The following PYROXD1 variants were observed in gnomAD, a reference collection of about 807,000 sequenced individuals.
The protein encoded by PYROXD1 is pyridine nucleotide-disulphide oxidoreductase domain 1.
PYROXD1 carries 42 observed loss-of-function variants against 62.0 expected under a neutral mutation model. The ratio of observed to expected loss-of-function variants is 0.68; its 90% confidence interval spans 0.53 to 0.88. PYROXD1 has a LOEUF of 0.88. Ranked by LOEUF, PYROXD1 falls within the 40% of genes least tolerant of loss-of-function variation. The probability of loss-of-function intolerance (pLI) is 0.00; values close to 1 mark genes in which losing one functional copy is unlikely to be tolerated. For synonymous variants in PYROXD1, 170 were observed against 206.4 expected, an observed-to-expected ratio of 0.82 and a Z score of 1.51; for missense variants, 493 against 604.8, an observed-to-expected ratio of 0.82 and a Z score of 1.94.
chr12:21,455,331 C>A, intron 6 of PYROXD1, 39 bp downstream of exon 6: 1 of 1,320,946 alleles, frequency 7.6e-7, no homozygotes, highest in Non-Finnish European at 9.9e-7. Context: ...TCATACAAAA[C>A]TTTTTTAAAA....
At chr12:21,462,399 C>CA (rs1942715394) in intron 9 of PYROXD1, among the ~76,000 whole-genome samples, 1 of 151,176 alleles carries the variant, frequency 6.6e-6, no homozygotes, top group South Asian at 2.1e-4. Flanking sequence ...CGTGACTTCT[C>CA]AAAAATGATT....
chr12:21,465,608 C>T (rs528024028), intron 10 of PYROXD1, among the ~76,000 whole-genome samples: 2,251 of 150,566 alleles, frequency 0.015, 25 homozygotes, highest in Middle Eastern at 0.045. Flanking sequence ...TTCTCCCATT[C>T]TGTAGGTTGC....
In PYROXD1 at chr12:21,452,131, C is replaced by T. The variant is rs748976919; in HGVS notation, c.465C>T (p.Asn155=). ...CTAAAAGAATAATGATCATAGGGAA[C>T]GGTGGTATTGCACTTGAGTTAGTGT... ...TKAKRIMIIG[N]GGIALELVYE... is the part of the protein sequence containing the mutation. Residue 155 remains asparagine (N), a synonymous_variant, in exon 5 of 12, where the codon AAC becomes AAT. Coordinates refer to ENST00000240651, the MANE Select transcript of PYROXD1 (RefSeq NM_024854.5). 2.9e-5 allele frequency: 46 copies of T among 1,581,696 alleles called. No individual in the cohort carries two copies. The highest frequency in any genetic ancestry group is 3.3e-5 in the Non-Finnish European group (38 of 1,163,238).
intron 7 of PYROXD1, 37 bp from the exon 8 acceptor site, chr12:21,460,988 G>A (rs192784901): frequency 1.5e-6 from 2 of 1,293,300 alleles, no homozygotes; most frequent in African/African-American, 3.0e-5. Context: ...TATTCTTTCT[G>A]TAAGTATTAT....
At chr12:21,445,518 G>C in intron 3 of PYROXD1, 52 bp downstream of exon 3, 2 of 1,508,040 alleles carry the variant, frequency 1.3e-6, no homozygotes, top group Non-Finnish European at 1.8e-6. Flanking sequence ...TCTTGATGAA[G>C]TTTTGCCTGC....
chr12:21,449,207 T>C (rs539556937), intron 3 of PYROXD1, among the ~76,000 whole-genome samples: 1 of 152,310 alleles, frequency 6.6e-6, no homozygotes. Flanking sequence ...TAAAAATTTC[T>C]TGAAGTTTTG....
intron 5 of PYROXD1, 42 bp downstream of exon 5, chr12:21,452,196 A>T (rs549074406): frequency 6.6e-5 from 82 of 1,235,094 alleles, no homozygotes; most frequent in Admixed American, 1.9e-4. Flanking sequence ...TAAATTGTTT[A>T]AAAATAATTT....
intron 10 of PYROXD1, among the ~76,000 whole-genome samples, chr12:21,465,982 T>C (rs890974512): frequency 1.1e-4 from 16 of 152,344 alleles, no homozygotes; most frequent in Admixed American, 3.3e-4. Context: ...GTTGTAGATA[T>C]GAGGCATTAT....
intron 5 of PYROXD1, among the ~76,000 whole-genome samples, chr12:21,452,695 A>G (rs1942523242): frequency 6.6e-6 from 1 of 152,118 alleles, no homozygotes; most frequent in South Asian, 2.1e-4. Context: ...AGACGATATT[A>G]CAAGTTCAAA....
intron 8 of PYROXD1, 113 bp from the exon 9 acceptor site, chr12:21,461,895 C>T (rs945187357): frequency 8.9e-6 from 5 of 562,032 alleles, no homozygotes; most frequent in Non-Finnish European, 3.1e-6. Flanking sequence ...ACAAAGTTAT[C>T]TCTTGCCTTT....
At chr12:21,453,632 C>T (rs1353984936) in intron 5 of PYROXD1, among the ~76,000 whole-genome samples, 3 of 151,996 alleles carry the variant, frequency 2.0e-5, no homozygotes, top group Non-Finnish European at 2.9e-5. Context: ...CAGTATTTCC[C>T]CTCTGTGTGA....
intron 7 of PYROXD1, 32 bp from the exon 8 acceptor site, chr12:21,460,993 T>C: frequency 7.3e-7 from 1 of 1,377,410 alleles, no homozygotes; most frequent in Non-Finnish European, 9.8e-7. Context: ...TTTCTGTAAG[T>C]ATTATGCTAA....
rs1942587483 is a variant in PYROXD1, at chr12:21,455,919, CTAAA to C, written c.650-71_650-68del. The C allele has an allele frequency of 9.3e-6, 8 of 857,994 alleles. No individual in the cohort carries two copies. In the South Asian group the frequency reaches 1.2e-4, roughly 13 times the overall value. 53.1% of individuals were successfully genotyped at this position (857,994 alleles called of 1,614,324 possible). ...GTATATATATGAATCATTACATTGC[CTAAA>C]TAAAAAACTTCAGAACACTAACATA... On this transcript the variant is annotated intron_variant, in intron 6 of 11. Transcript: ENST00000240651.
intron 4 of PYROXD1, 61 bp from the exon 5 acceptor site, chr12:21,452,020 A>G: frequency 2.1e-6 from 2 of 960,928 alleles, no homozygotes; most frequent in Non-Finnish European, 3.2e-6. Context: ...TCGAAGCCTC[A>G]TATTTCAGAT....
rs753260342 is a variant in PYROXD1, at chr12:21,471,070, T to C, written c.*2316T>C. ...GGTCCTATTTTCAAATACGAAATGG[T>C]AGCATAAGCTGTAAAACTGTAGTCT... On this transcript the variant is annotated 3_prime_UTR_variant, in exon 12 of 12. Transcript: ENST00000240651. 18 of 1,599,066 alleles carry C rather than the reference T, an allele frequency of 1.1e-5. No homozygotes were observed. The East Asian group carries it at 1.4e-4, about 12-fold the overall frequency.
intron 10 of PYROXD1, among the ~76,000 whole-genome samples, chr12:21,465,630 G>A (rs1202529245): frequency 6.6e-6 from 1 of 152,042 alleles, no homozygotes; most frequent in Middle Eastern, 3.4e-3. Context: ...TGTTCACTCT[G>A]ATGGTGGTTT....
chr12:21,437,676 C>G lies in PYROXD1; in HGVS notation c.-55C>G. The G allele has an allele frequency of 1.3e-6, 2 of 1,550,048 alleles. No individual in the cohort carries two copies. The highest frequency in any genetic ancestry group is 1.8e-6 in the Non-Finnish European group (2 of 1,138,472). ...TCGCGGCTGCTTCCTCTCCTGGAGT[C>G]CAGAGTCCCGTTGCTCCGCCGCGAT... On this transcript the variant is annotated 5_prime_UTR_variant, in exon 1 of 12. Transcript: ENST00000240651.
At chr12:21,459,133 G>A (rs1360055142) in intron 7 of PYROXD1, among the ~76,000 whole-genome samples, 1 of 152,202 alleles carries the variant, frequency 6.6e-6, no homozygotes, top group Non-Finnish European at 1.5e-5. Flanking sequence ...TAGCCCCTAG[G>A]TGGCTTCAGA....
chr12:21,438,158 T>A, intron 1 of PYROXD1: 1 of 217,022 alleles, frequency 4.6e-6, no homozygotes, highest in Non-Finnish European at 9.2e-6. Flanking sequence ...TCTTTTTCTT[T>A]GAGACGGAGT....
Sources: allele counts gnomAD v4.1 joint callset (sites outside exome capture counted in the v4.1 genomes callset), GRCh38; gene constraint gnomAD v4.1.1; transcripts MANE v1.5; gene names NCBI Gene and HGNC (gene_info 2026-07-23, HGNC 2026-07-21).